The following GRIN2D variants were observed in gnomAD, a reference collection of about 807,000 sequenced individuals.
GRIN2D encodes the protein glutamate receptor ionotropic, NMDA 2D.
In GRIN2D, 37 loss-of-function variants were observed where a neutral mutation model predicts 103.2. The ratio of observed to expected loss-of-function variants is 0.36; its 90% CI spans 0.28 to 0.47. GRIN2D has a LOEUF of 0.47. Ranked by LOEUF, GRIN2D falls within the 20% of genes least tolerant of loss-of-function variation. The probability of loss-of-function intolerance (pLI) is 1.00; values close to 1 mark genes in which losing one functional copy is unlikely to be tolerated. For missense variants in GRIN2D, 1,557 were observed against 1,910.6 expected, an observed-to-expected ratio of 0.81 and a Z score of 3.45; for synonymous variants, 845 against 885.6, an observed-to-expected ratio of 0.95 and a Z score of 0.81.
chr19:48,432,252 A>G (rs550217596), intron 11 of GRIN2D, among the ~76,000 whole-genome samples: 1 of 141,154 alleles, frequency 7.1e-6, no homozygotes, highest in African/African-American at 2.7e-5. Context: ...GCAGGTTCTC[A>G]TTATGTTTTC....
rs1569065648 is a variant in GRIN2D at position 48,419,338 on chromosome 19, C to T, written c.1840C>T (p.Arg614Cys). 3.1e-6 allele frequency: 5 copies of T among 1,605,774 alleles called. No individual in the cohort carries two copies. The East Asian group carries it at 8.9e-5, about 29-fold the overall frequency. ...GTACCTCAGTCCTGTTGGTTACAAC[C>T]GCAGCCTGGCCACGGGCAAGCGTGA... ...FEYLSPVGYNRSLATGKRPGG... is the reference protein window; with the variant it reads ...FEYLSPVGYNCSLATGKRPGG... Residue 614 changes from arginine to cysteine, a missense_variant, in exon 9 of 14, where the codon CGC (arginine) becomes TGC (cysteine). This residue lies in a region of GRIN2D where 197 missense variants were observed against 334.1 expected (regional missense o/e 0.59). Transcript: ENST00000263269.
Position 48,405,469 on chromosome 19 carries a change from T to C in GRIN2D, c.1085+116T>C. On this transcript the variant is annotated intron_variant, in intron 4 of 13. Coordinates refer to ENST00000263269, the MANE Select transcript of GRIN2D (RefSeq NM_000836.4). This position sits in a 1 kb window ranked among gnomAD's most constrained non-coding sequence, Gnocchi z 5.1. ...ATCTGCTCTTTGAGCCTCAGTTTTC[T>C]TTTCTGTAAAGTGGGTGCAATTGGG... The C allele has an allele frequency of 1.8e-6, 2 of 1,127,516 alleles. No homozygotes were observed. Among genetic ancestry groups the C allele is most frequent in the Non-Finnish European group, 2.4e-6 (2 of 835,662 alleles). The allele number at this position is 1,127,516 out of a possible 1,614,324, so 69.8% of individuals were successfully genotyped here.
chr19:48,399,138 CATTGCAGGT>C (rs1235566476), intron 3 of GRIN2D, among the ~76,000 whole-genome samples: 5 of 151,986 alleles, frequency 3.3e-5, no homozygotes, highest in African/African-American at 1.2e-4. Context: ...TGGGCCCATT[CATTGCAGGT>C]AAGGGTCTGT....
intron 4 of GRIN2D, among the ~76,000 whole-genome samples, chr19:48,406,597 A>C (rs1420054609): frequency 6.6e-6 from 1 of 152,228 alleles, no homozygotes; most frequent in Non-Finnish European, 1.5e-5. Context: ...ATAAATACTT[A>C]CTGAGCACCC....
rs1971329231 is a variant in GRIN2D at position 48,443,245 on chromosome 19, G to C, written c.3319G>C (p.Asp1107His). Residue 1107 changes from aspartate (D) to histidine (H), a missense_variant, in exon 14 of 14, where the codon GAT (aspartate) becomes CAT (histidine). Around this residue, in one of 7 missense-constraint regions of GRIN2D, gnomAD observed 632 missense variants for 572.8 expected, o/e 1.10. Transcript: ENST00000263269. This position sits in a 1 kb window ranked among gnomAD's most constrained non-coding sequence, Gnocchi z 8.9. Reference sequence around the variant, plus strand: ...CGCGCCGCCCCCGTGCCCTTACCTCGATCTCGAGCCGTCGCCGTCGGACTC... The same window carrying C: ...CGCGCCGCCCCCGTGCCCTTACCTCCATCTCGAGCCGTCGCCGTCGGACTC... ...RAAPPPCPYL[D>H]LEPSPSDSED... 6.9e-7 allele frequency: 1 copy of C among 1,454,672 alleles called. No individual in the cohort carries two copies. Among genetic ancestry groups the C allele is most frequent in the Non-Finnish European group, 9.1e-7 (1 of 1,103,960 alleles). The allele number at this position is 1,454,672 out of a possible 1,614,324, so 90.1% of individuals were successfully genotyped here. A position where few individuals can be genotyped will look rare whatever the true frequency, so the allele number is the denominator to read the frequency against.
chr19:48,398,916 C>A, intron 3 of GRIN2D, 59 bp downstream of exon 3: 3 of 285,952 alleles, frequency 1.0e-5, no homozygotes, highest in South Asian at 1.4e-4. Flanking sequence ...CGCTGAGGGG[C>A]GGGACTGGGA....
chr19:48,426,224 C>CT (rs369360320), intron 11 of GRIN2D, among the ~76,000 whole-genome samples: 2,290 of 120,074 alleles, frequency 0.019, 28 homozygotes, highest in African/African-American at 0.027. Context: ...TTCTTTCTTT[C>CT]TTTTTTTTTT....
In GRIN2D at chr19:48,421,943, A is replaced by G; in HGVS notation, c.2250A>G (p.Ala750=). 1 of 1,613,784 alleles carries G rather than the reference A, an allele frequency of 6.2e-7. No individual in the cohort carries two copies. Among genetic ancestry groups the G allele is most frequent in the Non-Finnish European group, 8.5e-7 (1 of 1,179,816 alleles). ...AGGAAGCGCTCACTCAGCTCAAGGC[A>G]GGGTCAGCGCAGACTCGGGCCGGGG... ...RVEEALTQLK[A]GKLDAFIYDA... is the part of the protein sequence containing the mutation. Residue 750 remains alanine (A), a splice_region_variant and synonymous_variant, in exon 11 of 14, where the codon GCA becomes GCG. Coordinates refer to ENST00000263269, the MANE Select transcript of GRIN2D (RefSeq NM_000836.4). The surrounding 1 kb of genome is among the most constrained non-coding windows in gnomAD (Gnocchi z 4.8).
chr19:48,395,661 C>G (rs770227858), intron 2 of GRIN2D, among the ~76,000 whole-genome samples: 59 of 152,050 alleles, frequency 3.9e-4, no homozygotes, highest in Non-Finnish European at 6.2e-4. Context: ...TGGCACCCTC[C>G]TCCTCCTCCC....
At chr19:48,427,521 C>G (rs1255486707) in intron 11 of GRIN2D, among the ~76,000 whole-genome samples, 2 of 116,928 alleles carry the variant, frequency 1.7e-5, no homozygotes, top group African/African-American at 6.5e-5. Context: ...ACTCTGTTGT[C>G]CAGGCTGGAG....
intron 11 of GRIN2D, among the ~76,000 whole-genome samples, chr19:48,428,194 G>A (rs866654384): frequency 2.3e-4 from 34 of 151,068 alleles, no homozygotes; most frequent in African/African-American, 8.3e-4. Flanking sequence ...CCGCCACCAC[G>A]CCTGGCTAAT....
chr19:48,443,785 C>G lies in GRIN2D; in HGVS notation c.3859C>G (p.Leu1287Val), dbSNP rs1265726681. The change falls in exon 14 of 14, where the codon CTT (leucine) becomes GTT (valine). Residue 1287 changes from leucine (L) to valine (V), a missense_variant. Physicochemically the swap from Leu to Val is conservative, Grantham distance 32. Coordinates refer to ENST00000263269, the MANE Select transcript of GRIN2D (RefSeq NM_000836.4). The surrounding 1 kb of genome is among the most constrained non-coding windows in gnomAD (Gnocchi z 8.9). Reference sequence around the variant, plus strand: ...CCCTCGCGCCGCCCCTGCGCGCAGGCTTACCGGGCCCTCCCGCCACGCTCG... The same window carrying G: ...CCCTCGCGCCGCCCCTGCGCGCAGGGTTACCGGGCCCTCCCGCCACGCTCG... Reference protein sequence around the residue: ...SCPRAAPARRLTGPSRHARRC... With the variant: ...SCPRAAPARRVTGPSRHARRC... 2.0e-6 allele frequency: 3 copies of G among 1,463,612 alleles called. No individual in the cohort carries two copies. Among genetic ancestry groups the G allele is most frequent in the Admixed American group, 5.0e-5 (2 of 40,182 alleles). 90.7% of individuals were successfully genotyped at this position (1,463,612 alleles called of 1,614,324 possible). A position where few individuals can be genotyped will look rare whatever the true frequency, so the allele number is the denominator to read the frequency against.
intron 11 of GRIN2D, among the ~76,000 whole-genome samples, chr19:48,434,745 T>G (rs1460824965): frequency 6.6e-6 from 1 of 152,014 alleles, no homozygotes; most frequent in Non-Finnish European, 1.5e-5. Flanking sequence ...GAACTTTTGT[T>G]AAATTTATTC....
In GRIN2D at chr19:48,408,110, G is replaced by A. The variant is rs538248968; in HGVS notation, c.1085+2757G>A. Among the ~76,000 whole-genome samples, 9 of 152,128 alleles carry A rather than the reference G, an allele frequency of 5.9e-5. 2 individuals are homozygous for A. Among genetic ancestry groups the A allele is most frequent in the African/African-American group, 1.4e-4 (6 of 41,520 alleles). On this transcript the variant is annotated intron_variant, in intron 4 of 13. Transcript: ENST00000263269. ...AGCACTTTGGGAGGCCGAGGCGGGCGGATCACAAGGTCAGGAGATCGAGAC... is the reference window on the plus strand; with the variant it reads ...AGCACTTTGGGAGGCCGAGGCGGGCAGATCACAAGGTCAGGAGATCGAGAC...
intron 11 of GRIN2D, among the ~76,000 whole-genome samples, chr19:48,424,589 A>G (rs927123371): frequency 6.6e-6 from 1 of 152,126 alleles, no homozygotes; most frequent in Non-Finnish European, 1.5e-5. Context: ...TTTTAATAAT[A>G]TATTTTACCT....
At chr19:48,417,202 C>T (rs930957180) in intron 8 of GRIN2D, among the ~76,000 whole-genome samples, 2 of 152,014 alleles carry the variant, frequency 1.3e-5, no homozygotes, top group East Asian at 3.9e-4. Flanking sequence ...ATGGCACCAC[C>T]GCACTCCAGC....
chr19:48,428,357 C>A (rs1044986736), intron 11 of GRIN2D, among the ~76,000 whole-genome samples: 1 of 148,154 alleles, frequency 6.7e-6, no homozygotes, highest in African/African-American at 2.5e-5. Context: ...CTCCCCCTCC[C>A]CGCTTTTTTT....
chr19:48,440,360 A>AG (rs1464991404), intron 11 of GRIN2D, among the ~76,000 whole-genome samples: 2 of 152,054 alleles, frequency 1.3e-5, no homozygotes, highest in Admixed American at 1.3e-4. Flanking sequence ...TGGGTGGCCA[A>AG]GGCGGGAAGA....
chr19:48,398,749 C>G lies in GRIN2D; in HGVS notation c.357C>G (p.Asp119Glu). The change falls in exon 3 of 14, where the codon GAC becomes GAG. Residue 119 changes from aspartate to glutamate, a missense_variant. Asp to Glu is a conservative substitution (Grantham distance 45). This residue lies in a region of GRIN2D where 490 missense variants were observed against 601.1 expected (regional missense o/e 0.82). Coordinates refer to ENST00000263269, the MANE Select transcript of GRIN2D (RefSeq NM_000836.4). Reference sequence around the variant, plus strand: ...GCGTGCACGGCGTGGTCTTCGAAGACGACTCGCGCGCGCCCGCCGTCGCGC... The same window carrying G: ...GCGTGCACGGCGTGGTCTTCGAAGAGGACTCGCGCGCGCCCGCCGTCGCGC... ...GLRVHGVVFE[D>E]DSRAPAVAPI... The G allele has an allele frequency of 2.0e-6, 3 of 1,465,268 alleles. No individual in the cohort carries two copies. Among genetic ancestry groups the G allele is most frequent in the East Asian group, 3.0e-5 (1 of 33,412 alleles). 90.8% of individuals were successfully genotyped at this position (1,465,268 alleles called of 1,614,324 possible).
Sources: gnomAD v4.1 joint callset for allele counts (sites outside exome capture counted in the v4.1 genomes callset) on GRCh38, gnomAD v4.1.1 for gene constraint, gnomAD v4.1.1 regional missense constraint, Gnocchi (gnomAD v3.1) non-coding constraint, MANE v1.5 for transcripts, NCBI Gene and HGNC (gene_info 2026-07-23, HGNC 2026-07-21) for gene names.